AFDN: variants seen among roughly 807,000 people sequenced by gnomAD.
AFDN encodes afadin, adherens junction formation factor, also known as afadin.
A neutral mutation model predicts 216.6 loss-of-function variants in AFDN; 68 were observed. The ratio of observed to expected loss-of-function variants is 0.31; its 90% CI spans 0.26 to 0.38. AFDN has a LOEUF of 0.38. Among genes scored for constraint, AFDN ranks in the 10% least tolerant of loss-of-function variants. The pLI is 1.00. For synonymous variants in AFDN, 868 were observed against 853.7 expected (o/e 1.02, Z -0.29); for missense variants, 2,136 against 2,342.0 (o/e 0.91, Z 1.82).
intron 1 of AFDN, among the ~76,000 whole-genome samples, chr6:167,854,588 C>T (rs982841703): frequency 2.0e-5 from 3 of 151,646 alleles, no homozygotes; most frequent in African/African-American, 7.3e-5. Flanking sequence ...ATCCCTTGAC[C>T]ATTTGAAATT....
intron 32 of AFDN, among the ~76,000 whole-genome samples, chr6:167,967,496 G>A (rs956880404): frequency 3.3e-5 from 5 of 152,052 alleles, no homozygotes; most frequent in African/African-American, 9.7e-5. Flanking sequence ...AGAAATTTAC[G>A]GAATAATAGT....
At chr6:167,863,829 C>T (rs561278173) in intron 1 of AFDN, 7 of 517,988 alleles carry the variant, frequency 1.4e-5, no homozygotes, top group African/African-American at 7.7e-5. Flanking sequence ...ATCTAAAATG[C>T]GTTCATTGAT....
chr6:167,859,936 A>C (rs1308216776), intron 1 of AFDN, among the ~76,000 whole-genome samples: 1 of 152,042 alleles, frequency 6.6e-6, no homozygotes, highest in African/African-American at 2.4e-5. Context: ...TGTTTACCAA[A>C]CAAAGTTGTT....
intron 1 of AFDN, among the ~76,000 whole-genome samples, chr6:167,834,498 A>G (rs1780204160): frequency 1.8e-5 from 2 of 111,028 alleles, no homozygotes; most frequent in South Asian, 3.3e-4. Context: ...ATAAAACGTG[A>G]TAGATGGAAC....
intron 13 of AFDN, among the ~76,000 whole-genome samples, chr6:167,909,099 G>C (rs1317236423): frequency 6.6e-6 from 1 of 151,958 alleles, no homozygotes; most frequent in Non-Finnish European, 1.5e-5. Flanking sequence ...TAACTGCCTA[G>C]CTACAATTTT....
rs117477312 is a variant in AFDN at position 167,912,863 on chromosome 6, T to C, written c.2038-540T>C. 9.5e-3 allele frequency among the ~76,000 whole-genome samples: 1,444 copies of C among 152,308 alleles called. 18 individuals carry two copies. Among genetic ancestry groups the C allele is most frequent in the Admixed American group, 0.019 (294 of 15,306 alleles). Reference sequence around the variant, plus strand: ...CTGTGGTAGTGAATAATTTAAATTCTATTTTCAAAAAACAAAGAATTTGCT... The same window carrying C: ...CTGTGGTAGTGAATAATTTAAATTCCATTTTCAAAAAACAAAGAATTTGCT... On this transcript the variant is annotated intron_variant, in intron 15 of 33. Transcript: ENST00000683244.
In AFDN at chr6:167,875,471, A is replaced by G; in HGVS notation, c.715A>G (p.Ser239Gly). Residue 239 changes from serine to glycine, a missense_variant, in exon 5 of 34, where the codon AGC (serine) becomes GGC (glycine). Around this residue, in one of 8 missense-constraint regions of AFDN, gnomAD observed 817 missense variants for 965.7 expected, o/e 0.85. Transcript: ENST00000683244. ...GGAAAAGAGAATGCAGGAATTTCGG[A>G]GCTCAGATGGGCGGCCTGATTCAGG... ...KLEKRMQEFR[S>G]SDGRPDSGGT... 1 of 1,613,944 alleles carries G rather than the reference A, an allele frequency of 6.2e-7. No homozygotes were observed. The highest frequency in any genetic ancestry group is 8.5e-7 in the Non-Finnish European group (1 of 1,179,898).
intron 1 of AFDN, among the ~76,000 whole-genome samples, chr6:167,850,018 T>G (rs1367340693): frequency 6.6e-6 from 1 of 152,140 alleles, no homozygotes; most frequent in African/African-American, 2.4e-5. Flanking sequence ...CAATCTGCTG[T>G]AGTCATTTGG....
intron 25 of AFDN, among the ~76,000 whole-genome samples, chr6:167,943,715 C>T (rs1217859949): frequency 6.6e-6 from 1 of 152,064 alleles, no homozygotes; most frequent in Non-Finnish European, 1.5e-5. Flanking sequence ...TGAATATTAT[C>T]TTACTATTCT....
chr6:167,963,681 C>A lies in AFDN; in HGVS notation c.4968+1114C>A, dbSNP rs181621741. Reference sequence around the variant, plus strand: ...GACCTTTGCCCTCTAAGTTTATCATCATATTATCTGTTGAATCTGAACAGC... The same window carrying A: ...GACCTTTGCCCTCTAAGTTTATCATAATATTATCTGTTGAATCTGAACAGC... On this transcript the variant is annotated intron_variant, in intron 31 of 33. Coordinates refer to ENST00000683244, the MANE Select transcript of AFDN (RefSeq NM_001386888.1). 4.4e-5 allele frequency: 47 copies of A among 1,060,690 alleles called. No homozygotes were observed. The Admixed American group carries it at 2.4e-3, about 55-fold the overall frequency. The allele number at this position is 1,060,690 out of a possible 1,614,324, so 65.7% of individuals were successfully genotyped here. A position where few individuals can be genotyped will look rare whatever the true frequency, so the allele number is the denominator to read the frequency against.
Position 167,965,886 on chromosome 6 carries a change from G to A in AFDN, c.5098G>A (p.Glu1700Lys). The A allele has an allele frequency of 1.6e-5, 25 of 1,548,910 alleles. No individual in the cohort carries two copies. The highest frequency in any genetic ancestry group is 2.1e-5 in the Non-Finnish European group (24 of 1,146,504). Residue 1700 changes from glutamate to lysine, a missense_variant, in exon 32 of 34, where the codon GAG (glutamate) becomes AAG (lysine). Around this residue, in one of 8 missense-constraint regions of AFDN, gnomAD observed 981 missense variants for 966.0 expected, o/e 1.02. Coordinates refer to ENST00000683244, the MANE Select transcript of AFDN (RefSeq NM_001386888.1). ...LCRPPLPRDY[E>K]PPSPSPAPGA... ...CCGCCCTCCGCTTCCCCGGGACTAC[G>A]AGCCCCCGTCCCCGTCCCCCGCGCC...
chr6:167,943,102 A>G (rs1303591210), intron 23 of AFDN, 27 bp from the exon 24 acceptor site: 1 of 1,598,046 alleles, frequency 6.3e-7, no homozygotes, highest in Non-Finnish European at 8.6e-7. Context: ...TCTTCAATGC[A>G]GTGTTTTCGC....
chr6:167,962,671 C>T lies in AFDN; in HGVS notation c.4968+104C>T, dbSNP rs1034210877. ...GAAGTTCTGTGTTTCTTAAGAAGCA[C>T]GAGGCAGAGCAGGGCCTGGCTCCCC... On this transcript the variant is annotated intron_variant, in intron 31 of 33. Coordinates refer to ENST00000683244, the MANE Select transcript of AFDN (RefSeq NM_001386888.1). The surrounding 1 kb of genome is among the most constrained non-coding windows in gnomAD (Gnocchi z 5.2). 2.5e-6 allele frequency: 4 copies of T among 1,578,004 alleles called. No individual in the cohort carries two copies. The highest frequency in any genetic ancestry group is 2.7e-5 in the African/African-American group (2 of 74,134).
At chr6:167,870,024 C>T (rs1784623214) in intron 2 of AFDN, among the ~76,000 whole-genome samples, 1 of 152,120 alleles carries the variant, frequency 6.6e-6, no homozygotes, top group Non-Finnish European at 1.5e-5. Context: ...GTGGTATTAA[C>T]ATTATGTCCT....
intron 1 of AFDN, among the ~76,000 whole-genome samples, chr6:167,861,034 C>T (rs1270232593): frequency 1.3e-5 from 2 of 152,220 alleles, no homozygotes; most frequent in African/African-American, 2.4e-5. Context: ...TGCTGCTGGG[C>T]AAGCTAGGTG....
chr6:167,956,882 C>T (rs1022775356), intron 30 of AFDN, among the ~76,000 whole-genome samples: 8 of 152,172 alleles, frequency 5.3e-5, no homozygotes, highest in Non-Finnish European at 7.4e-5. Flanking sequence ...CAGGATCCCT[C>T]GGTACTGTCC....
At chr6:167,909,104 A>G (rs1790074207) in intron 13 of AFDN, among the ~76,000 whole-genome samples, 1 of 152,144 alleles carries the variant, frequency 6.6e-6, no homozygotes, top group African/African-American at 2.4e-5. Flanking sequence ...GCCTAGCTAC[A>G]ATTTTAGTTG....
chr6:167,864,838 T>A (rs1429627556), intron 2 of AFDN, 92 bp downstream of exon 2: 14 of 1,265,738 alleles, frequency 1.1e-5, no homozygotes. Flanking sequence ...TCAGGTTTAC[T>A]GCTCGTCTCC....
chr6:167,862,926 A>G (rs1475081478), intron 1 of AFDN, among the ~76,000 whole-genome samples: 1 of 152,190 alleles, frequency 6.6e-6, no homozygotes, highest in East Asian at 1.9e-4. Flanking sequence ...CTGAACATAC[A>G]TGCTCATTTA....
Sources: gnomAD v4.1 joint callset for allele counts (sites outside exome capture counted in the v4.1 genomes callset) on GRCh38, gnomAD v4.1.1 for gene constraint, gnomAD v4.1.1 regional missense constraint, Gnocchi (gnomAD v3.1) non-coding constraint, MANE v1.5 for transcripts, NCBI Gene and HGNC (gene_info 2026-07-23, HGNC 2026-07-21) for gene names.